The following GOLM2 variants were observed in gnomAD, a reference collection of about 807,000 sequenced individuals.
The protein encoded by GOLM2 is golgi membrane protein 2.
Under a neutral mutation model 55.9 loss-of-function variants are expected in GOLM2, and 26 were observed. The observed-to-expected ratio is 0.47, with a 90% confidence interval of 0.34 to 0.65. GOLM2 has a LOEUF of 0.65. Among genes scored for constraint, GOLM2 ranks in the 30% least tolerant of loss-of-function variants. The pLI is 0.01. For missense variants in GOLM2, 486 were observed against 531.8 expected (o/e 0.91, Z 0.85); for synonymous variants, 165 against 194.6 (o/e 0.85, Z 1.27).
At chr15:44,314,751 G>T (rs1346769687) in intron 1 of GOLM2, among the ~76,000 whole-genome samples, 1 of 152,114 alleles carries the variant, frequency 6.6e-6, no homozygotes, top group East Asian at 1.9e-4. Flanking sequence ...TATATACACA[G>T]TAGTCACAGA....
At chr15:44,358,300 G>A (rs1473016602) in intron 6 of GOLM2, among the ~76,000 whole-genome samples, 13 of 152,214 alleles carry the variant, frequency 8.5e-5, no homozygotes, top group Admixed American at 7.9e-4. Context: ...GTTGCAGTGA[G>A]CCAAGAGCAC....
At chr15:44,318,834 T>C (rs1450928295) in intron 1 of GOLM2, among the ~76,000 whole-genome samples, 2 of 152,244 alleles carry the variant, frequency 1.3e-5, no homozygotes, top group Admixed American at 1.3e-4. Flanking sequence ...TGAACCTTAC[T>C]TACCTTTCTA....
At chr15:44,297,207 G>A (rs1222279131) in intron 1 of GOLM2, among the ~76,000 whole-genome samples, 1 of 152,188 alleles carries the variant, frequency 6.6e-6, no homozygotes, top group African/African-American at 2.4e-5. Context: ...GAACTTGGCA[G>A]ATCCCTAACT....
intron 6 of GOLM2, among the ~76,000 whole-genome samples, chr15:44,372,761 T>C (rs1156528380): frequency 6.6e-6 from 1 of 152,178 alleles, no homozygotes; most frequent in East Asian, 1.9e-4. Flanking sequence ...CTTAAAGTTT[T>C]TACTATTGTG....
rs778563022 is a variant in GOLM2, at chr15:44,310,438, T to TTCTCTC, written c.328-12515_328-12510dup. Among the ~76,000 whole-genome samples the TTCTCTC allele has an allele frequency of 4.8e-4, 65 of 136,620 alleles. 1 individual carries two copies. The highest frequency in any genetic ancestry group is 1.5e-3 in the East Asian group (6 of 4,068). The allele number at this position is 136,620 out of a possible 152,430, so 89.6% of individuals were successfully genotyped here. A position where few individuals can be genotyped will look rare whatever the true frequency, so the allele number is the denominator to read the frequency against. ...TGGGCAACATAGTGAGAGTCTCTCT[T>TTCTCTC]TCTCTCTCTCTCTCTCTATATATAT... On this transcript the variant is annotated intron_variant, in intron 1 of 9. Coordinates refer to ENST00000299957, the MANE Select transcript of GOLM2 (RefSeq NM_138423.4).
At chr15:44,307,668 C>G (rs984292363) in intron 1 of GOLM2, 1 of 151,966 alleles carries the variant, frequency 6.6e-6, no homozygotes, top group Admixed American at 6.6e-5. Flanking sequence ...AGTAAGATTC[C>G]CGTTCTTTGA....
intron 8 of GOLM2, among the ~76,000 whole-genome samples, chr15:44,389,384 C>T (rs2079472392): frequency 6.6e-6 from 1 of 151,892 alleles, no homozygotes; most frequent in Non-Finnish European, 1.5e-5. Context: ...ACAAAATTAC[C>T]CAGGTGTGGT....
chr15:44,360,644 C>T (rs537536490), intron 6 of GOLM2, among the ~76,000 whole-genome samples: 3 of 152,182 alleles, frequency 2.0e-5, no homozygotes, highest in Non-Finnish European at 2.9e-5. Context: ...GACAGATCAA[C>T]GAGACAGAAA....
rs1190617639 is a variant in GOLM2 at position 44,334,072 on chromosome 15, A to G, written c.576+1994A>G. ...AGAGCTTTCCCTTTTTTTCCAAGCC[A>G]GTGTAATTCTCTTTCTGTTCTTCTA... is the stretch of plus-strand genomic sequence containing the variant. On this transcript the variant is annotated intron_variant, in intron 4 of 9. Coordinates refer to ENST00000299957, the MANE Select transcript of GOLM2 (RefSeq NM_138423.4). Among the ~76,000 whole-genome samples, 4 of 151,984 alleles carry G rather than the reference A, an allele frequency of 2.6e-5. No homozygotes were observed. The East Asian group carries it at 5.8e-4, about 22-fold the overall frequency.
At chr15:44,303,313 C>T (rs2078812617) in intron 1 of GOLM2, among the ~76,000 whole-genome samples, 1 of 152,056 alleles carries the variant, frequency 6.6e-6, no homozygotes, top group Non-Finnish European at 1.5e-5. Context: ...GATTGCACTA[C>T]CTTTTCTGGA....
At chr15:44,331,031 T>A (rs566485970) in intron 3 of GOLM2, among the ~76,000 whole-genome samples, 2 of 152,304 alleles carry the variant, frequency 1.3e-5, no homozygotes, top group South Asian at 4.1e-4. Flanking sequence ...TTTCTTTTTT[T>A]GAGACTGAGT....
Position 44,316,532 on chromosome 15 carries a change from A to G in GOLM2, c.328-6433A>G, listed in dbSNP as rs139343899. Among the ~76,000 whole-genome samples the G allele has an allele frequency of 2.9e-3, 440 of 152,056 alleles. 3 individuals carry two copies. The highest frequency in any genetic ancestry group is 0.01 in the African/African-American group (419 of 41,486). ...GCACTTTGGGAGGCCGAGGCAGCCA[A>G]ATCACGAGGTCAGGAGTTCCAGACC... is the stretch of plus-strand genomic sequence containing the variant. On this transcript the variant is annotated intron_variant, in intron 1 of 9. Coordinates refer to ENST00000299957, the MANE Select transcript of GOLM2 (RefSeq NM_138423.4).
intron 2 of GOLM2, among the ~76,000 whole-genome samples, chr15:44,326,436 A>T (rs900509529): frequency 6.6e-5 from 10 of 151,894 alleles, no homozygotes; most frequent in African/African-American, 2.2e-4. Flanking sequence ...TATGTGACTT[A>T]AATTTTTATT....
chr15:44,304,602 T>C (rs1735633649), intron 1 of GOLM2, among the ~76,000 whole-genome samples: 2 of 151,632 alleles, frequency 1.3e-5, no homozygotes, highest in Admixed American at 1.3e-4. Flanking sequence ...TCACTTAGGC[T>C]GAATGCAGTG....
At chr15:44,356,186 G>T (rs1043302980) in intron 6 of GOLM2, among the ~76,000 whole-genome samples, 5 of 150,310 alleles carry the variant, frequency 3.3e-5, no homozygotes, top group African/African-American at 1.2e-4. Context: ...AAAAAAAAAG[G>T]CAAATTAAAT....
rs1423747102 is a variant in GOLM2 at position 44,415,192 on chromosome 15, C to T, written c.*1786C>T. On this transcript the variant is annotated 3_prime_UTR_variant, in exon 10 of 10. Coordinates refer to ENST00000299957, the MANE Select transcript of GOLM2 (RefSeq NM_138423.4). ...TAGTTTACTAAAATTGTTTTTCTAC[C>T]ATATCAAATTAAACAATTCATGCCT... 1 of 152,518 alleles carries T rather than the reference C, an allele frequency of 6.6e-6. No individual in the cohort carries two copies. Among genetic ancestry groups the T allele is most frequent in the Non-Finnish European group, 1.5e-5 (1 of 68,016 alleles). 9.4% of individuals were successfully genotyped at this position (152,518 alleles called of 1,614,324 possible). A position where few individuals can be genotyped will look rare whatever the true frequency, so the allele number is the denominator to read the frequency against.
intron 9 of GOLM2, chr15:44,406,187 G>C (rs2079596277): frequency 6.6e-6 from 1 of 152,144 alleles, no homozygotes; most frequent in Admixed American, 6.6e-5. Flanking sequence ...GATCACCTGA[G>C]GTCAGGATTT....
At chr15:44,396,292 A>T (rs1157483750) in intron 8 of GOLM2, among the ~76,000 whole-genome samples, 1 of 152,044 alleles carries the variant, frequency 6.6e-6, no homozygotes, top group Non-Finnish European at 1.5e-5. Context: ...CAGGAAATGG[A>T]GGTTGTGGTG....
chr15:44,301,491 T>C (rs1373649570), intron 1 of GOLM2, among the ~76,000 whole-genome samples: 2 of 152,166 alleles, frequency 1.3e-5, no homozygotes, highest in East Asian at 1.9e-4. Flanking sequence ...GCATATCACA[T>C]AGTGAATGAG....
Sources: allele counts gnomAD v4.1 joint callset (sites outside exome capture counted in the v4.1 genomes callset), GRCh38; gene constraint gnomAD v4.1.1; transcripts MANE v1.5; gene names NCBI Gene and HGNC (gene_info 2026-07-23, HGNC 2026-07-21).